The following ASCC3 variants were observed in gnomAD, a reference collection of about 807,000 sequenced individuals.
The protein encoded by ASCC3 is ASC-1 complex subunit P200.
ASCC3 carries 158 observed loss-of-function variants against 256.3 expected under a neutral mutation model. That is an observed-to-expected ratio of 0.62 (90% CI 0.54 to 0.70). The LOEUF (loss-of-function observed/expected upper bound fraction) is 0.70. Among genes scored for constraint, ASCC3 ranks in the 30% least tolerant of loss-of-function variants. ASCC3 has a pLI of 0.00. For synonymous variants in ASCC3, 948 were observed against 883.4 expected, an observed-to-expected ratio of 1.07 and a Z score of -1.30; for missense variants, 2,259 against 2,626.0, an observed-to-expected ratio of 0.86 and a Z score of 3.05.
At chr6:100,676,738 GCGCGCGTGCGCGCACA>G (rs1777030769) in intron 14 of ASCC3, among the ~76,000 whole-genome samples, 1 of 133,876 alleles carries the variant, frequency 7.5e-6, no homozygotes, top group Non-Finnish European at 1.6e-5. Context: ...GTATGTGTGC[GCGCGCGTGCGCGCACA>G]CACACACTCA....
At chr6:100,544,906 A>G (rs1775634697) in intron 36 of ASCC3, among the ~76,000 whole-genome samples, 1 of 152,218 alleles carries the variant, frequency 6.6e-6, no homozygotes, top group African/African-American at 2.4e-5. Context: ...TAAAAATTCT[A>G]AACAAAATTT....
At chr6:100,679,900 G>T in intron 13 of ASCC3, 148 bp from the exon 14 acceptor site, 1 of 893,186 alleles carries the variant, frequency 1.1e-6, no homozygotes, top group Non-Finnish European at 1.7e-6. Context: ...CCCTATTTTA[G>T]AACAAAGTAT....
chr6:100,780,743 G>A (rs1428956151), intron 8 of ASCC3, among the ~76,000 whole-genome samples: 1 of 152,178 alleles, frequency 6.6e-6, no homozygotes, highest in Non-Finnish European at 1.5e-5. Flanking sequence ...TGTTGAATGT[G>A]TTAAACAATG....
At chr6:100,692,214 C>T (rs948306310) in intron 13 of ASCC3, among the ~76,000 whole-genome samples, 3 of 152,038 alleles carry the variant, frequency 2.0e-5, no homozygotes, top group Non-Finnish European at 4.4e-5. Flanking sequence ...GTATGACTTT[C>T]TCTTTCTTGA....
At position 100,509,500 on chromosome 6, in the gene ASCC3, G is replaced by A; in HGVS notation, c.6495C>T (p.Cys2165=). The A allele has an allele frequency of 6.2e-7, 1 of 1,613,718 alleles. No homozygotes were observed. The highest frequency in any genetic ancestry group is 8.5e-7 in the Non-Finnish European group (1 of 1,179,602). ...YIYTLYFMSD[C]YLGLDQQYDI... ...CATACTGCTGGTCCAGGCCAAGGTA[G>A]CAGTCACTCATGAAATATAATGTGT... The change falls in exon 42 of 42, where the codon TGC becomes TGT. Residue 2165 remains cysteine (C), a synonymous_variant. Transcript: ENST00000369162.
At chr6:100,606,615 C>CAA (rs1772901264) in intron 32 of ASCC3, 125 bp downstream of exon 32, 1 of 1,056,048 alleles carries the variant, frequency 9.5e-7, no homozygotes, top group African/African-American at 1.6e-5. Context: ...AATTGCTTAT[C>CAA]ATCTGTTTAA....
At chr6:100,699,304 C>G (rs1354387385) in intron 13 of ASCC3, among the ~76,000 whole-genome samples, 1 of 152,138 alleles carries the variant, frequency 6.6e-6, no homozygotes, top group Non-Finnish European at 1.5e-5. Flanking sequence ...ATAAGTGTCA[C>G]AAGATCTGAC....
chr6:100,711,037 A>G (rs1395139839), intron 13 of ASCC3, among the ~76,000 whole-genome samples: 1 of 152,180 alleles, frequency 6.6e-6, no homozygotes, highest in African/African-American at 2.4e-5. Context: ...ATACATGGCT[A>G]CATTTATTTA....
At chr6:100,612,169 C>A (rs1773432918) in intron 30 of ASCC3, among the ~76,000 whole-genome samples, 1 of 151,926 alleles carries the variant, frequency 6.6e-6, no homozygotes. Flanking sequence ...ATTTATTATA[C>A]TCAAAAAGCT....
intron 16 of ASCC3, 45 bp from the exon 17 acceptor site, chr6:100,655,863 C>CATA (rs1320803588): frequency 6.3e-7 from 1 of 1,599,356 alleles, no homozygotes; most frequent in African/African-American, 1.3e-5. Context: ...TAAAGTTGAA[C>CATA]ATAAACATTA....
chr6:100,531,101 C>A, intron 37 of ASCC3: 2 of 1,147,524 alleles, frequency 1.7e-6, no homozygotes, highest in South Asian at 1.3e-5. Context: ...ATAAATACAA[C>A]AGAAAATTGC....
rs747030750 is a variant in ASCC3, at chr6:100,512,781, C to A, written c.6213G>T (p.Trp2071Cys). ...ACTCTTGGTCAGCATGCAATTTGATCCATTTGTTGTCATCTCGTTTGTCTG... is the reference window on the plus strand; with the variant it reads ...ACTCTTGGTCAGCATGCAATTTGATACATTTGTTGTCATCTCGTTTGTCTG... ...LTADKRDDNK[W>C]IKLHADQEYV... is the part of the protein sequence containing the mutation. Residue 2071 changes from tryptophan (W) to cysteine (C), a missense_variant, in exon 40 of 42, where the codon TGG (tryptophan) becomes TGT (cysteine). Physicochemically the swap from Trp to Cys is radical, Grantham distance 215. Coordinates refer to ENST00000369162, the MANE Select transcript of ASCC3 (RefSeq NM_006828.4). 2.7e-5 allele frequency: 44 copies of A among 1,613,990 alleles called. No homozygotes were observed. Among genetic ancestry groups the A allele is most frequent in the Non-Finnish European group, 3.6e-5 (43 of 1,180,010 alleles).
chr6:100,664,168 G>C (rs1385067029), intron 14 of ASCC3, among the ~76,000 whole-genome samples: 1 of 152,078 alleles, frequency 6.6e-6, no homozygotes, highest in Non-Finnish European at 1.5e-5. Context: ...ATCACATCAT[G>C]TGTTTATTTG....
Position 100,563,806 on chromosome 6 carries a change from TATCA to T in ASCC3, c.5551-23423_5551-23420del, listed in dbSNP as rs1423677959. Reference sequence around the variant, plus strand: ...TAATACACTGATAATCTAAATTTGCTATCAATATTAAAATATTAAAATTGATATC... The same window carrying T: ...TAATACACTGATAATCTAAATTTGCTATATTAAAATATTAAAATTGATATC... On this transcript the variant is annotated intron_variant, in intron 36 of 41. Transcript: ENST00000369162. Among the ~76,000 whole-genome samples the T allele has an allele frequency of 2.0e-5, 3 of 152,192 alleles. No individual in the cohort carries two copies. The South Asian group carries it at 6.2e-4, about 32-fold the overall frequency.
intron 4 of ASCC3, among the ~76,000 whole-genome samples, chr6:100,816,076 A>G (rs1770731222): frequency 6.6e-6 from 1 of 152,112 alleles, no homozygotes; most frequent in South Asian, 2.1e-4. Flanking sequence ...AAGACAAACA[A>G]TCCCATTAGG....
chr6:100,604,900 A>C (rs995380892), intron 33 of ASCC3, among the ~76,000 whole-genome samples: 1 of 152,162 alleles, frequency 6.6e-6, no homozygotes, highest in African/African-American at 2.4e-5. Flanking sequence ...TAAAAGGTAG[A>C]AAGTGATAAG....
chr6:100,646,858 AT>A, intron 21 of ASCC3, 89 bp from the exon 22 acceptor site: 1 of 1,320,724 alleles, frequency 7.6e-7, no homozygotes, highest in Non-Finnish European at 1.1e-6. Flanking sequence ...AGAGAAGGTG[AT>A]TTTATTGCTT....
intron 8 of ASCC3, among the ~76,000 whole-genome samples, chr6:100,771,570 C>G (rs1781926231): frequency 6.6e-6 from 1 of 151,562 alleles, no homozygotes; most frequent in Admixed American, 6.6e-5. Flanking sequence ...GTAAAGAAAA[C>G]AAGCAATTTA....
chr6:100,666,146 T>C (rs907191814), intron 14 of ASCC3, among the ~76,000 whole-genome samples: 11 of 152,158 alleles, frequency 7.2e-5, no homozygotes, highest in African/African-American at 2.7e-4. Flanking sequence ...TATATCAATA[T>C]CTCATTCCTT....
Sources: allele counts gnomAD v4.1 joint callset (sites outside exome capture counted in the v4.1 genomes callset), GRCh38; gene constraint gnomAD v4.1.1; transcripts MANE v1.5; gene names NCBI Gene and HGNC (gene_info 2026-07-23, HGNC 2026-07-21).